SCUBE1: variants seen among roughly 807,000 people sequenced by gnomAD.
SCUBE1 encodes the protein signal peptide, CUB and EGF-like domain-containing protein 1.
Under a neutral mutation model 124.4 loss-of-function variants are expected in SCUBE1, and 59 were observed. The ratio of observed to expected loss-of-function variants is 0.47; its 90% CI spans 0.38 to 0.59. The LOEUF is 0.59. SCUBE1 is among the 20% of genes least tolerant of loss of function. The pLI is 0.00. For missense variants in SCUBE1, 1,150 were observed against 1,371.2 expected (o/e 0.84, Z 2.55); for synonymous variants, 545 against 550.9 (o/e 0.99, Z 0.15).
In SCUBE1 at chr22:43,211,015, A is replaced by C; in HGVS notation, c.2290T>G (p.Tyr764Asp). The change falls in exon 18 of 22, where the codon TAC (tyrosine) becomes GAC (aspartate). Residue 764 changes from tyrosine to aspartate, a missense_variant. By Grantham distance (160) the Tyr-to-Asp change is radical. Transcript: ENST00000360835. The surrounding 1 kb of genome is among the most constrained non-coding windows in gnomAD (Gnocchi z 4.5). ...HRCIRCPVGT[Y>D]QPEFGQNHCI... ...TGGTTCTGGCCAAACTCGGGCTGGT[A>C]GGTGCCGACGGGGCAGCGGATGCAG... The C allele has an allele frequency of 6.2e-7, 1 of 1,614,092 alleles. No individual in the cohort carries two copies. Among genetic ancestry groups the C allele is most frequent in the Non-Finnish European group, 8.5e-7 (1 of 1,180,008 alleles).
At chr22:43,207,861 C>A (rs1414832886) in intron 20 of SCUBE1, among the ~76,000 whole-genome samples, 1 of 152,242 alleles carries the variant, frequency 6.6e-6, no homozygotes, top group Non-Finnish European at 1.5e-5. Context: ...TCAGCTGAAG[C>A]CTGCAGAGGC....
At chr22:43,336,707 C>T (rs1018626298) in intron 2 of SCUBE1, among the ~76,000 whole-genome samples, 1 of 152,124 alleles carries the variant, frequency 6.6e-6, no homozygotes, top group Admixed American at 6.6e-5. Flanking sequence ...GCCCAGAAGC[C>T]TCTGGGAGCA....
intron 2 of SCUBE1, among the ~76,000 whole-genome samples, chr22:43,327,246 C>A (rs540456036): frequency 6.6e-6 from 1 of 152,278 alleles, no homozygotes; most frequent in Admixed American, 6.5e-5. Context: ...CCTGTCCTGC[C>A]TCAGATCACA....
At chr22:43,207,744 C>A in intron 20 of SCUBE1, 131 bp from the exon 21 acceptor site, 1 of 754,458 alleles carries the variant, frequency 1.3e-6, no homozygotes. Context: ...GGCCGCAGCT[C>A]TGCCTCTGTG....
intron 9 of SCUBE1, among the ~76,000 whole-genome samples, 189 bp from the exon 10 acceptor site, chr22:43,227,685 ACC>A (rs2146675166): frequency 6.6e-6 from 1 of 152,064 alleles, no homozygotes; most frequent in Non-Finnish European, 1.5e-5. Flanking sequence ...CTCCTCACAG[ACC>A]CCAGCGTCCC....
Position 43,278,563 on chromosome 22 carries a change from T to C in SCUBE1, c.484+12483A>G, listed in dbSNP as rs74371232. Among the ~76,000 whole-genome samples the C allele has an allele frequency of 2.8e-3, 428 of 152,236 alleles. 3 individuals carry two copies. The highest frequency in any genetic ancestry group is 0.01 in the African/African-American group (416 of 41,522). ...ATAGGAATCCCGTCCCAGGAGCCAATAGGAACCTGACAGCTAGGCACACTG... is the reference window on the plus strand; with the variant it reads ...ATAGGAATCCCGTCCCAGGAGCCAACAGGAACCTGACAGCTAGGCACACTG... On this transcript the variant is annotated intron_variant, in intron 4 of 21. Coordinates refer to ENST00000360835, the MANE Select transcript of SCUBE1 (RefSeq NM_173050.5).
intron 4 of SCUBE1, among the ~76,000 whole-genome samples, chr22:43,284,010 G>A (rs77963063): frequency 2.6e-5 from 4 of 152,326 alleles, no homozygotes; most frequent in South Asian, 2.1e-4. Flanking sequence ...CCATGAGGCC[G>A]GCAGCTGCTC....
chr22:43,216,196 G>A (rs1042447991), intron 15 of SCUBE1, among the ~76,000 whole-genome samples: 12 of 151,776 alleles, frequency 7.9e-5, no homozygotes, highest in African/African-American at 2.7e-4. Context: ...GCAGGCGCTC[G>A]CCACCACACC....
chr22:43,207,581 G>A lies in SCUBE1; in HGVS notation c.2767C>T (p.Arg923Cys), dbSNP rs749908505. ...DYQQLIEDIV[R>C]DGRLYASENH... ...TCCGAGGCGTACAGGCGCCCATCGC[G>A]CACGATGTCCTCTATGAGTTGCTGG... The change falls in exon 21 of 22, where the codon CGC (arginine) becomes TGC (cysteine). Residue 923 changes from arginine to cysteine, a missense_variant. Physicochemically the swap from Arg to Cys is radical, Grantham distance 180. This residue lies in a region of SCUBE1 where 757 missense variants were observed against 840.9 expected (regional missense o/e 0.90). Coordinates refer to ENST00000360835, the MANE Select transcript of SCUBE1 (RefSeq NM_173050.5). The A allele has an allele frequency of 3.7e-6, 6 of 1,613,934 alleles. No homozygotes were observed. Among genetic ancestry groups the A allele is most frequent in the Non-Finnish European group, 5.1e-6 (6 of 1,179,966 alleles).
intron 21 of SCUBE1, among the ~76,000 whole-genome samples, chr22:43,204,971 A>C (rs1601789900): frequency 6.6e-6 from 1 of 152,002 alleles, no homozygotes; most frequent in South Asian, 2.1e-4. Context: ...TTTTATTAAC[A>C]AAGGGTCCCG....
At position 43,220,380 on chromosome 22, in the gene SCUBE1, C is replaced by G; in HGVS notation, c.1687+70G>C. ...AGCCTAGCTTCATGCCTGGCAGGCC[C>G]CCGGCAGCGCCACCAGCCTGTCGTC... On this transcript the variant is annotated intron_variant, in intron 14 of 21. Transcript: ENST00000360835. The G allele has an allele frequency of 1.9e-6, 3 of 1,549,862 alleles. No homozygotes were observed. In the African/African-American group the frequency reaches 4.1e-5, roughly 21 times the overall value.
At chr22:43,341,746 G>A (rs904609443) in intron 1 of SCUBE1, among the ~76,000 whole-genome samples, 10 of 152,170 alleles carry the variant, frequency 6.6e-5, no homozygotes, top group Non-Finnish European at 1.5e-4. Context: ...CCTGCAGGGC[G>A]ACCCAGCCCT....
At chr22:43,268,330 G>A (rs148271030) in intron 4 of SCUBE1, among the ~76,000 whole-genome samples, 120 of 152,378 alleles carry the variant, frequency 7.9e-4, no homozygotes, top group African/African-American at 2.7e-3. Flanking sequence ...ACCATGGAGA[G>A]GCAAGTTCAG....
intron 2 of SCUBE1, among the ~76,000 whole-genome samples, chr22:43,335,351 G>A (rs1927029262): frequency 6.6e-6 from 1 of 152,166 alleles, no homozygotes; most frequent in African/African-American, 2.4e-5. Flanking sequence ...ATTGATGACT[G>A]TAAGTAGGTC....
At chr22:43,312,285 C>T (rs1241579793) in intron 3 of SCUBE1, among the ~76,000 whole-genome samples, 2 of 152,202 alleles carry the variant, frequency 1.3e-5, no homozygotes, top group African/African-American at 4.8e-5. Context: ...TGACACAGAG[C>T]TGCAGTGGAG....
chr22:43,251,478 A>G (rs574658072), intron 6 of SCUBE1, among the ~76,000 whole-genome samples: 303 of 152,334 alleles, frequency 2.0e-3, no homozygotes, highest in Non-Finnish European at 3.5e-3. Context: ...ACGGGAAATT[A>G]TCCTGGATTA....
rs1921489300 is a variant in SCUBE1, at chr22:43,210,322, G to A, written c.2384-82C>T. 7.8e-7 allele frequency: 1 copy of A among 1,274,548 alleles called. No homozygotes were observed. Among genetic ancestry groups the A allele is most frequent in the Admixed American group, 2.8e-5 (1 of 35,114 alleles). 79.0% of individuals were successfully genotyped at this position (1,274,548 alleles called of 1,614,324 possible). ...CGGCCAGGCCTCTAACCACCTGGGA[G>A]GCCTAGGGCAGGGCTGGAAGGTGCT... On this transcript the variant is annotated intron_variant, in intron 18 of 21. Transcript: ENST00000360835. The surrounding 1 kb of genome is among the most constrained non-coding windows in gnomAD (Gnocchi z 4.5).
chr22:43,253,002 G>T (rs1458634216), intron 6 of SCUBE1, among the ~76,000 whole-genome samples: 1 of 150,468 alleles, frequency 6.6e-6, no homozygotes, highest in Non-Finnish European at 1.5e-5. Context: ...GGCAGGATGG[G>T]AACGGTCACC....
chr22:43,290,112 C>T (rs564326776), intron 4 of SCUBE1, among the ~76,000 whole-genome samples: 26 of 152,352 alleles, frequency 1.7e-4, no homozygotes, highest in African/African-American at 5.3e-4. Flanking sequence ...TCACAGCACA[C>T]TCTGCTTTGG....
Sources: allele counts gnomAD v4.1 joint callset (sites outside exome capture counted in the v4.1 genomes callset), GRCh38; gene constraint gnomAD v4.1.1; regional missense constraint gnomAD v4.1.1; non-coding constraint Gnocchi (gnomAD v3.1); transcripts MANE v1.5; gene names NCBI Gene and HGNC (gene_info 2026-07-23, HGNC 2026-07-21).